The following RNLS variants were observed in gnomAD, a reference collection of about 807,000 sequenced individuals.
RNLS encodes renalase, FAD dependent amine oxidase.
In RNLS, 39 loss-of-function variants were observed where a neutral mutation model predicts 39.8. The observed-to-expected ratio is 0.98, with a 90% CI of 0.76 to 1.28. RNLS has a LOEUF of 1.28. Among genes scored for constraint, RNLS ranks in the 50% most tolerant of loss-of-function variants. The pLI is 0.00. For missense variants in RNLS, 410 were observed against 413.3 expected, an observed-to-expected ratio of 0.99 and a Z score of 0.07; for synonymous variants, 147 against 150.7, an observed-to-expected ratio of 0.98 and a Z score of 0.18.
At chr10:88,544,248 A>T (rs1848182754) in intron 4 of RNLS, among the ~76,000 whole-genome samples, 1 of 152,166 alleles carries the variant, frequency 6.6e-6, no homozygotes, top group African/African-American at 2.4e-5. Context: ...AGAGAGAGAG[A>T]ATTTCTCTAC....
chr10:88,385,779 G>A (rs536970068), intron 4 of RNLS, among the ~76,000 whole-genome samples: 13 of 152,300 alleles, frequency 8.5e-5, no homozygotes, highest in African/African-American at 2.2e-4. Flanking sequence ...CCCCTGCCAC[G>A]CCCTGCTTAG....
intron 4 of RNLS, among the ~76,000 whole-genome samples, chr10:88,413,595 T>C (rs1337742140): frequency 6.6e-6 from 1 of 152,222 alleles, no homozygotes; most frequent in African/African-American, 2.4e-5. Context: ...GTTCTATTTG[T>C]AGCTAGGTCC....
At chr10:88,475,380 C>A (rs904269846) in intron 4 of RNLS, among the ~76,000 whole-genome samples, 1 of 152,190 alleles carries the variant, frequency 6.6e-6, no homozygotes, top group Admixed American at 6.6e-5. Context: ...AAGCAATCTT[C>A]TCCCTAAAAA....
chr10:88,178,018 C>A, the RNLS span, among the ~76,000 whole-genome samples: 1 of 152,126 alleles, frequency 6.6e-6, no homozygotes. Flanking sequence ...CATGGGTGGG[C>A]CATTTCTCTG....
the RNLS span, among the ~76,000 whole-genome samples, chr10:88,192,924 A>T: frequency 1.3e-5 from 2 of 152,220 alleles, no homozygotes; most frequent in Admixed American, 1.3e-4. Context: ...AAATAAGTGT[A>T]TATTGACATG....
intron 4 of RNLS, among the ~76,000 whole-genome samples, chr10:88,455,553 C>T (rs371430724): frequency 1.3e-5 from 2 of 152,078 alleles, no homozygotes; most frequent in Admixed American, 6.6e-5. Flanking sequence ...ACTACAGGCA[C>T]CCATCACCAC....
intron 4 of RNLS, among the ~76,000 whole-genome samples, chr10:88,393,807 A>G (rs1049613628): frequency 6.6e-6 from 1 of 152,254 alleles, no homozygotes; most frequent in Non-Finnish European, 1.5e-5. Context: ...ACAAGGCTAC[A>G]GTAACCAAAA....
chr10:88,365,520 CACA>C (rs1850005429), intron 4 of RNLS, among the ~76,000 whole-genome samples: 2 of 16,346 alleles, frequency 1.2e-4, no homozygotes, highest in Non-Finnish European at 2.2e-4. Context: ...TTATATAACA[CACA>C]CACACACACA....
chr10:88,538,307 C>T (rs1847874604), intron 4 of RNLS, among the ~76,000 whole-genome samples: 1 of 152,114 alleles, frequency 6.6e-6, no homozygotes, highest in African/African-American at 2.4e-5. Flanking sequence ...AAGAAAGAAC[C>T]TTATTTAGAA....
At chr10:88,404,047 A>C (rs927395395) in intron 4 of RNLS, among the ~76,000 whole-genome samples, 1 of 152,076 alleles carries the variant, frequency 6.6e-6, no homozygotes, top group Non-Finnish European at 1.5e-5. Flanking sequence ...TTGCCTACAG[A>C]AAACAAAAAA....
chr10:88,510,762 G>A (rs1172642270), intron 4 of RNLS, among the ~76,000 whole-genome samples: 1 of 151,206 alleles, frequency 6.6e-6, no homozygotes, highest in Non-Finnish European at 1.5e-5. Flanking sequence ...CAGGAGAATC[G>A]CTTGAACCCA....
intron 6 of RNLS, among the ~76,000 whole-genome samples, chr10:88,296,568 AC>A (rs1268889115): frequency 6.6e-6 from 1 of 152,176 alleles, no homozygotes; most frequent in Non-Finnish European, 1.5e-5. Context: ...ACTTCCTTCT[AC>A]TTTTAATAGT....
At chr10:88,350,899 T>C (rs1297307314) in intron 5 of RNLS, among the ~76,000 whole-genome samples, 1 of 152,154 alleles carries the variant, frequency 6.6e-6, no homozygotes, top group Admixed American at 6.5e-5. Context: ...ACCTGTTGTT[T>C]CCTGACATTT....
intron 4 of RNLS, among the ~76,000 whole-genome samples, chr10:88,547,137 C>T (rs921508628): frequency 5.9e-5 from 9 of 152,148 alleles, no homozygotes; most frequent in Admixed American, 2.0e-4. Flanking sequence ...CAACACCTTG[C>T]GATAATCTTC....
At chr10:88,355,276 G>T (rs1420570480) in intron 5 of RNLS, among the ~76,000 whole-genome samples, 1 of 152,206 alleles carries the variant, frequency 6.6e-6, no homozygotes, top group Non-Finnish European at 1.5e-5. Context: ...TTCCTTTGGA[G>T]GAGGAGAGGC....
At chr10:88,269,738 T>C (rs940164334), downstream of RNLS, among the ~76,000 whole-genome samples, 4 of 152,244 alleles carry the variant, frequency 2.6e-5, no homozygotes, top group Non-Finnish European at 5.9e-5. Context: ...GTGTTCCTTC[T>C]TTAACTTGTA....
At chr10:88,174,552 T>C in the RNLS span, among the ~76,000 whole-genome samples, 44 of 152,306 alleles carry the variant, frequency 2.9e-4, 1 homozygote, top group South Asian at 8.9e-3. Flanking sequence ...AGATGTGATG[T>C]ATCACGTTTA....
chr10:88,432,411 C>G (rs191280991), intron 4 of RNLS, among the ~76,000 whole-genome samples: 5 of 151,936 alleles, frequency 3.3e-5, no homozygotes, highest in African/African-American at 9.6e-5. Flanking sequence ...AAAATCTAAT[C>G]TAACAATCCT....
In RNLS at chr10:88,317,593, T is replaced by A. The variant is rs114348795; in HGVS notation, c.701-2952A>T. Reference sequence around the variant, plus strand: ...TTCGTAAAATATACATAAAATTTACTGTTTTAACCTATTTTACATATACAG... The same window carrying A: ...TTCGTAAAATATACATAAAATTTACAGTTTTAACCTATTTTACATATACAG... On this transcript the variant is annotated intron_variant, in intron 5 of 6. Transcript: ENST00000331772. Among the ~76,000 whole-genome samples, 1,048 of 152,370 alleles carry A rather than the reference T, an allele frequency of 6.9e-3. 12 individuals carry two copies. The highest frequency in any genetic ancestry group is 0.024 in the African/African-American group (992 of 41,586).
Sources: gnomAD v4.1 joint callset for allele counts (sites outside exome capture counted in the v4.1 genomes callset) on GRCh38, gnomAD v4.1.1 for gene constraint, MANE v1.5 for transcripts, NCBI Gene and HGNC (gene_info 2026-07-23, HGNC 2026-07-21) for gene names.